Variants in PHKB observed in about 807,000 individuals in gnomAD.
The protein encoded by PHKB is phosphorylase kinase regulatory subunit beta, also known as phosphorylase b kinase regulatory subunit beta.
Under a neutral mutation model 152.1 loss-of-function variants are expected in PHKB, and 122 were observed. That is an observed-to-expected ratio of 0.80 (90% CI 0.69 to 0.93). The LOEUF (loss-of-function observed/expected upper bound fraction) is 0.93. Ranked by LOEUF, PHKB falls within the 40% of genes least tolerant of loss-of-function variation. The pLI, the probability that PHKB is intolerant of heterozygous loss-of-function variation, is 0.00. For synonymous variants in PHKB, 436 were observed against 464.9 expected (o/e 0.94, Z 0.80); for missense variants, 1,304 against 1,328.4 (o/e 0.98, Z 0.29).
At chr16:47,640,880 G>A (rs1318970265) in intron 14 of PHKB, among the ~76,000 whole-genome samples, 155 bp from the exon 15 acceptor site, 9 of 152,280 alleles carry the variant, frequency 5.9e-5, no homozygotes, top group Middle Eastern at 3.4e-3. Context: ...AGGCAGTGGC[G>A]AGCAAGGAAA....
At chr16:47,478,788 A>G (rs1969915093) in intron 1 of PHKB, among the ~76,000 whole-genome samples, 1 of 152,154 alleles carries the variant, frequency 6.6e-6, no homozygotes, top group African/African-American at 2.4e-5. Context: ...TCTTTGGTTA[A>G]AATTAAATTT....
At chr16:47,690,293 A>C (rs1974037061) in intron 27 of PHKB, among the ~76,000 whole-genome samples, 1 of 152,234 alleles carries the variant, frequency 6.6e-6, no homozygotes, top group Admixed American at 6.5e-5. Context: ...TAAATGTAAA[A>C]ATGAAATAAT....
intron 4 of PHKB, among the ~76,000 whole-genome samples, chr16:47,508,220 T>G (rs1315210471): frequency 2.0e-5 from 3 of 152,232 alleles, no homozygotes; most frequent in Non-Finnish European, 4.4e-5. Flanking sequence ...GTCTGTTTTC[T>G]GGGTTTTATT....
chr16:47,572,171 A>T (rs1320235220), intron 7 of PHKB, among the ~76,000 whole-genome samples: 1 of 152,200 alleles, frequency 6.6e-6, no homozygotes. Flanking sequence ...TTGTGTGAGC[A>T]AGGACCCAAG....
At chr16:47,580,420 AT>A in intron 8 of PHKB, 62 bp downstream of exon 8, 2 of 1,186,366 alleles carry the variant, frequency 1.7e-6, no homozygotes, top group Admixed American at 3.4e-5. Context: ...TAATTTGGCT[AT>A]TCATTAACAA....
At chr16:47,490,844 AC>A (rs1567277104) in intron 1 of PHKB, among the ~76,000 whole-genome samples, 1 of 152,000 alleles carries the variant, frequency 6.6e-6, no homozygotes, top group Non-Finnish European at 1.5e-5. Context: ...CCACATAATA[AC>A]CCCCAGAACC....
chr16:47,569,840 C>A (rs190350502), intron 7 of PHKB, among the ~76,000 whole-genome samples: 1 of 152,244 alleles, frequency 6.6e-6, no homozygotes, highest in African/African-American at 2.4e-5. Context: ...CCAGGCTGGT[C>A]TTGAACTTCT....
intron 1 of PHKB, among the ~76,000 whole-genome samples, chr16:47,470,501 G>A (rs999821664): frequency 6.6e-6 from 1 of 152,184 alleles, no homozygotes; most frequent in Non-Finnish European, 1.5e-5. Context: ...TGAACGTATC[G>A]CAGTGCTGCA....
chr16:47,597,022 C>T (rs965906339), intron 13 of PHKB, among the ~76,000 whole-genome samples: 4 of 152,064 alleles, frequency 2.6e-5, no homozygotes, highest in Admixed American at 6.6e-5. Flanking sequence ...TATTTTTCAT[C>T]TTCTCCTACA....
intron 25 of PHKB, chr16:47,666,181 T>G: frequency 4.3e-6 from 3 of 698,392 alleles, no homozygotes; most frequent in Non-Finnish European, 2.6e-6. Flanking sequence ...CAAAGTCTCC[T>G]TCCCCAAGCA....
chr16:47,651,019 TAAG>T (rs1398466989), intron 20 of PHKB, 98 bp downstream of exon 20: 1 of 876,194 alleles, frequency 1.1e-6, no homozygotes, highest in Non-Finnish European at 1.9e-6. Flanking sequence ...GTTTTTGACT[TAAG>T]GTTTTATTCT....
chr16:47,535,102 G>A (rs963277829), intron 6 of PHKB, among the ~76,000 whole-genome samples: 1 of 152,214 alleles, frequency 6.6e-6, no homozygotes, highest in Admixed American at 6.5e-5. Context: ...TTACACTAAA[G>A]AGTGTGTGAA....
chr16:47,574,907 T>C (rs971341416), intron 7 of PHKB, among the ~76,000 whole-genome samples: 11 of 152,358 alleles, frequency 7.2e-5, no homozygotes, highest in Middle Eastern at 3.4e-3. Context: ...TTCTCAGCTA[T>C]ATTCTTTTTA....
At chr16:47,471,879 C>A (rs1597010656) in intron 1 of PHKB, among the ~76,000 whole-genome samples, 1 of 152,072 alleles carries the variant, frequency 6.6e-6, no homozygotes, top group Non-Finnish European at 1.5e-5. Context: ...CGTGGTGAAA[C>A]CCCCTCTCTA....
At chr16:47,645,632 T>A (rs1287608673) in intron 16 of PHKB, among the ~76,000 whole-genome samples, 4 of 151,354 alleles carry the variant, frequency 2.6e-5, no homozygotes, top group Non-Finnish European at 4.4e-5. Context: ...TAGTATAGTT[T>A]GAAGTCAGGT....
chr16:47,481,946 C>T (rs1484552037), intron 1 of PHKB, among the ~76,000 whole-genome samples: 3 of 152,190 alleles, frequency 2.0e-5, no homozygotes, highest in Admixed American at 6.5e-5. Flanking sequence ...GACCTTTTAG[C>T]TATGAAGACG....
intron 4 of PHKB, among the ~76,000 whole-genome samples, chr16:47,506,229 TAAC>T (rs1970416675): frequency 6.6e-6 from 1 of 151,284 alleles, no homozygotes; most frequent in Non-Finnish European, 1.5e-5. Flanking sequence ...AAAAGAGTGA[TAAC>T]AAGTCTTCTT....
At chr16:47,498,096 T>G (rs1970263666) in intron 2 of PHKB, among the ~76,000 whole-genome samples, 1 of 152,210 alleles carries the variant, frequency 6.6e-6, no homozygotes, top group Non-Finnish European at 1.5e-5. Flanking sequence ...TTATGCCATT[T>G]ACTTGTACTA....
At chr16:47,664,068 A>T in intron 24 of PHKB, 1 of 300,390 alleles carries the variant, frequency 3.3e-6, no homozygotes, top group Non-Finnish European at 6.3e-6. Context: ...TTCTGCTATT[A>T]TAGAAGGCCA....
Sources: gnomAD v4.1 joint callset for allele counts (sites outside exome capture counted in the v4.1 genomes callset) on GRCh38, gnomAD v4.1.1 for gene constraint, MANE v1.5 for transcripts, NCBI Gene and HGNC (gene_info 2026-07-23, HGNC 2026-07-21) for gene names.